The following SRGAP2C variants were observed in gnomAD, a reference collection of about 807,000 sequenced individuals.
The protein encoded by SRGAP2C is SLIT-ROBO Rho GTPase-activating protein 2C.
In SRGAP2C, 15 loss-of-function variants were observed where a neutral mutation model predicts 25.1. The ratio of observed to expected loss-of-function variants is 0.60; its 90% CI spans 0.40 to 0.92. The LOEUF is 0.92. Ranked by LOEUF, SRGAP2C falls within the 40% of genes least tolerant of loss-of-function variation. The probability of loss-of-function intolerance (pLI) is 0.00; values close to 1 mark genes in which losing one functional copy is unlikely to be tolerated. For missense variants in SRGAP2C, 144 were observed against 264.4 expected (o/e 0.54, Z 3.16); for synonymous variants, 44 against 96.6 (o/e 0.46, Z 3.19).
chr1:121,214,128 A>G (rs1175848504), intron 2 of SRGAP2C, among the ~76,000 whole-genome samples: 1 of 150,600 alleles, frequency 6.6e-6, no homozygotes, highest in Non-Finnish European at 1.5e-5. Context: ...CAGCCTCCCA[A>G]GTAGCTGGGA....
chr1:121,187,970 G>A (rs1169188090), intron 2 of SRGAP2C, among the ~76,000 whole-genome samples: 2 of 152,182 alleles, frequency 1.3e-5, no homozygotes, highest in Non-Finnish European at 2.9e-5. Flanking sequence ...CTTGGGAGAG[G>A]AGGGGTTTTT....
chr1:121,354,438 C>A (rs1443366925), intron 4 of SRGAP2C, among the ~76,000 whole-genome samples: 1 of 121,472 alleles, frequency 8.2e-6, no homozygotes, highest in Admixed American at 9.5e-5. Context: ...TGCTCTGTCA[C>A]CCAGGCTGGA....
chr1:121,188,457 G>A (rs1271917407), intron 2 of SRGAP2C, among the ~76,000 whole-genome samples: 1 of 148,564 alleles, frequency 6.7e-6, no homozygotes, highest in Non-Finnish European at 1.5e-5. Flanking sequence ...ATGTGTTTGT[G>A]CAAGGCACTG....
intron 2 of SRGAP2C, among the ~76,000 whole-genome samples, chr1:121,237,365 T>G (rs1203323032): frequency 1.3e-5 from 2 of 152,040 alleles, no homozygotes; most frequent in Non-Finnish European, 2.9e-5. Context: ...AGCTGTGCTA[T>G]GTGTTCGCTC....
In SRGAP2C at chr1:121,243,782, GTT is replaced by G. The variant is rs57068907; in HGVS notation, c.68-41007_68-41006del. On this transcript the variant is annotated intron_variant, in intron 2 of 9. Coordinates refer to ENST00000367123, the MANE Select transcript of SRGAP2C (RefSeq NM_001329984.2). ...GTGATATTTACCATGCAGTGTTTTT[GTT>G]TTTTTTTTTTTTTGAAATGATTAAA... Among the ~76,000 whole-genome samples the G allele has an allele frequency of 2.9e-3, 281 of 96,876 alleles. 1 individual carries two copies. The highest frequency in any genetic ancestry group is 5.6e-3 in the African/African-American group (122 of 21,602). The allele number at this position is 96,876 out of a possible 152,430, so 63.6% of individuals were successfully genotyped here.
chr1:121,237,510 GGA>G (rs1175660761), intron 2 of SRGAP2C, among the ~76,000 whole-genome samples: 1 of 151,732 alleles, frequency 6.6e-6, no homozygotes, highest in Non-Finnish European at 1.5e-5. Context: ...TCTGGAGTCT[GGA>G]GATGACTCTG....
At chr1:121,211,410 TACACATACAC>T in intron 2 of SRGAP2C, among the ~76,000 whole-genome samples, 1 of 103,370 alleles carries the variant, frequency 9.7e-6, no homozygotes, top group Admixed American at 1.1e-4. Flanking sequence ...GATATATATA[TACACATACAC>T]ACACACACAC....
At chr1:121,366,644 A>T (rs1339402982) in intron 5 of SRGAP2C, among the ~76,000 whole-genome samples, 1 of 151,514 alleles carries the variant, frequency 6.6e-6, no homozygotes, top group Non-Finnish European at 1.5e-5. Flanking sequence ...TTAATGCTTT[A>T]CTTCTGCTCT....
At chr1:121,238,648 C>G (rs1409469136) in intron 2 of SRGAP2C, among the ~76,000 whole-genome samples, 64 of 151,880 alleles carry the variant, frequency 4.2e-4, no homozygotes, top group African/African-American at 1.5e-3. Context: ...GAGTCTTGCT[C>G]TGTCACCCAG....
chr1:121,263,443 A>AC (rs1290626703), intron 2 of SRGAP2C, among the ~76,000 whole-genome samples: 2 of 150,912 alleles, frequency 1.3e-5, no homozygotes, highest in African/African-American at 4.9e-5. Flanking sequence ...AAAAAAAAAA[A>AC]AAAAAAACTT....
intron 3 of SRGAP2C, among the ~76,000 whole-genome samples, chr1:121,295,775 T>C (rs1553338221): frequency 5.2e-4 from 79 of 152,258 alleles, no homozygotes; most frequent in African/African-American, 1.9e-3. Flanking sequence ...TTTGGGTTTT[T>C]TTTTAGATGG....
Position 121,296,247 on chromosome 1 carries a change from A to G in SRGAP2C, c.260+11252A>G. Among the ~76,000 whole-genome samples the G allele has an allele frequency of 1.3e-5, 2 of 152,270 alleles. 1 individual carries two copies. ...AGAGATTTTTTGGCTGTTGGTAGAG[A>G]TTTGCACACATGCACAGAGAGGGGA... is the stretch of plus-strand genomic sequence containing the variant. On this transcript the variant is annotated intron_variant, in intron 3 of 9. Coordinates refer to ENST00000367123, the MANE Select transcript of SRGAP2C (RefSeq NM_001329984.2).
At chr1:121,360,167 A>G (rs1410777039) in intron 4 of SRGAP2C, 2 of 150,306 alleles carry the variant, frequency 1.3e-5, no homozygotes, top group African/African-American at 4.9e-5. Context: ...CGGACACATA[A>G]GTACTTTTAT....
chr1:121,259,593 T>A (rs1553333126), intron 2 of SRGAP2C, among the ~76,000 whole-genome samples: 1 of 151,608 alleles, frequency 6.6e-6, no homozygotes, highest in African/African-American at 2.4e-5. Context: ...ATTCATTCAC[T>A]CATCTGTGCA....
intron 3 of SRGAP2C, among the ~76,000 whole-genome samples, chr1:121,308,546 T>C (rs1553339721): frequency 0.66 from 95,683 of 145,792 alleles, 31,848 homozygotes; most frequent in East Asian, 0.79. Context: ...GAGGCTGAGG[T>C]GGGAGGATTG....
intron 6 of SRGAP2C, 121 bp from the exon 7 acceptor site, chr1:121,374,705 C>G (rs1174899661): frequency 2.3e-4 from 142 of 618,918 alleles, no homozygotes; most frequent in Non-Finnish European, 3.7e-4. Flanking sequence ...CAATTTAAGG[C>G]AGATGCGCAT....
At chr1:121,270,759 A>T in intron 2 of SRGAP2C, among the ~76,000 whole-genome samples, 1 of 140,782 alleles carries the variant, frequency 7.1e-6, no homozygotes, top group Non-Finnish European at 1.5e-5. Flanking sequence ...GATATAATTT[A>T]TCTTTGAATA....
At chr1:121,312,112 G>C (rs1657976288) in intron 3 of SRGAP2C, among the ~76,000 whole-genome samples, 1 of 1,868 alleles carries the variant, frequency 5.4e-4, no homozygotes, top group Non-Finnish European at 1.0e-3. Flanking sequence ...TCCTGTTATT[G>C]GTCTATTCAG....
rs6669375 is a variant in SRGAP2C at position 121,392,066 on chromosome 1, G to C, written c.*4211G>C. On this transcript the variant is annotated 3_prime_UTR_variant, in exon 10 of 10. Transcript: ENST00000367123. ...GATAAAAATTTAAAAATCACCAGAG[G>C]GATTTAAGAGTATATTTGCACACAC... The C allele has an allele frequency of 1.3e-5, 2 of 149,462 alleles. No individual in the cohort carries two copies. The highest frequency in any genetic ancestry group is 3.0e-5 in the Non-Finnish European group (2 of 67,014). 9.3% of individuals were successfully genotyped at this position (149,462 alleles called of 1,614,324 possible).
Sources: gnomAD v4.1 joint callset for allele counts (sites outside exome capture counted in the v4.1 genomes callset) on GRCh38, gnomAD v4.1.1 for gene constraint, MANE v1.5 for transcripts, NCBI Gene and HGNC (gene_info 2026-07-23, HGNC 2026-07-21) for gene names.